Variants in UNC5D observed in about 807,000 individuals in gnomAD.
The protein encoded by UNC5D is netrin receptor UNC5D.
UNC5D carries 39 observed loss-of-function variants against 105.4 expected under a neutral mutation model. The observed-to-expected ratio is 0.37, with a 90% CI of 0.29 to 0.48. UNC5D has a LOEUF of 0.48. UNC5D is among the 20% of genes least tolerant of loss of function. The probability of loss-of-function intolerance (pLI) is 0.98; values close to 1 mark genes in which losing one functional copy is unlikely to be tolerated. For missense variants in UNC5D, 991 were observed against 1,202.4 expected, an observed-to-expected ratio of 0.82 and a Z score of 2.60; for synonymous variants, 452 against 450.4, an observed-to-expected ratio of 1.00 and a Z score of -0.04.
At chr8:35,784,016 C>A (rs528538497) in intron 16 of UNC5D, among the ~76,000 whole-genome samples, 43 of 152,210 alleles carry the variant, frequency 2.8e-4, no homozygotes, top group African/African-American at 1.0e-3. Flanking sequence ...CTCATATACA[C>A]CATTGTAAGT....
chr8:35,307,795 A>G (rs1808535702), intron 1 of UNC5D, among the ~76,000 whole-genome samples: 1 of 152,152 alleles, frequency 6.6e-6, no homozygotes, highest in African/African-American at 2.4e-5. Flanking sequence ...ATGCATATGG[A>G]AATGCCACGC....
intron 1 of UNC5D, among the ~76,000 whole-genome samples, chr8:35,498,505 T>G (rs922712666): frequency 1.3e-5 from 2 of 152,004 alleles, no homozygotes; most frequent in African/African-American, 4.8e-5. Flanking sequence ...ATGGCAAACA[T>G]GATGGGTGAG....
At chr8:35,600,330 G>A (rs1353996661) in intron 4 of UNC5D, among the ~76,000 whole-genome samples, 7 of 152,174 alleles carry the variant, frequency 4.6e-5, no homozygotes, top group African/African-American at 1.7e-4. Flanking sequence ...TAATGGGATG[G>A]CTGGTTGAAA....
chr8:35,477,907 G>A (rs1810228053), intron 1 of UNC5D, among the ~76,000 whole-genome samples: 2 of 152,194 alleles, frequency 1.3e-5, no homozygotes, highest in South Asian at 4.1e-4. Context: ...GGTTAAATAG[G>A]AAGATAATCT....
In UNC5D at chr8:35,416,293, C is replaced by T. The variant is rs78668897; in HGVS notation, c.104-132999C>T. 9.3e-3 allele frequency among the ~76,000 whole-genome samples: 1,412 copies of T among 151,992 alleles called. 22 individuals are homozygous for T. The highest frequency in any genetic ancestry group is 0.032 in the African/African-American group (1,342 of 41,456). On this transcript the variant is annotated intron_variant, in intron 1 of 16. Coordinates refer to ENST00000404895, the MANE Select transcript of UNC5D (RefSeq NM_080872.4). ...TGATTGCTAACTAGAAAAGGAGAAC[C>T]GGATTTCAGGAATACAAAGGAATTG... is the stretch of plus-strand genomic sequence containing the variant.
intron 1 of UNC5D, among the ~76,000 whole-genome samples, chr8:35,488,538 G>A (rs570668029): frequency 2.6e-5 from 4 of 152,304 alleles, no homozygotes; most frequent in Admixed American, 2.6e-4. Flanking sequence ...CTGCTTTCCA[G>A]TGTTGCAAGG....
At chr8:35,400,012 A>C (rs1033687347) in intron 1 of UNC5D, among the ~76,000 whole-genome samples, 1 of 152,164 alleles carries the variant, frequency 6.6e-6, no homozygotes, top group African/African-American at 2.4e-5. Flanking sequence ...TTTGTATAAG[A>C]GTATTAAGGA....
chr8:35,605,060 C>T (rs896188080), intron 4 of UNC5D, among the ~76,000 whole-genome samples: 3 of 152,206 alleles, frequency 2.0e-5, no homozygotes, highest in East Asian at 3.9e-4. Context: ...AGTCATTCTC[C>T]GTCCAGCTTT....
chr8:35,650,316 G>A (rs1823327783), intron 4 of UNC5D, among the ~76,000 whole-genome samples: 1 of 152,044 alleles, frequency 6.6e-6, no homozygotes, highest in African/African-American at 2.4e-5. Flanking sequence ...CCTCTCTGAG[G>A]TCATATACTG....
At chr8:35,406,385 T>C (rs550973159) in intron 1 of UNC5D, among the ~76,000 whole-genome samples, 13 of 152,300 alleles carry the variant, frequency 8.5e-5, no homozygotes, top group African/African-American at 3.1e-4. Flanking sequence ...TTTATGAAAA[T>C]GAACTTTTCT....
intron 1 of UNC5D, among the ~76,000 whole-genome samples, chr8:35,313,435 G>C (rs1245136730): frequency 6.6e-6 from 1 of 152,128 alleles, no homozygotes; most frequent in Non-Finnish European, 1.5e-5. Flanking sequence ...AGTCCCAGGT[G>C]AGAGAAAATG....
At chr8:35,353,057 T>C (rs1247848888) in intron 1 of UNC5D, among the ~76,000 whole-genome samples, 1 of 152,154 alleles carries the variant, frequency 6.6e-6, no homozygotes, top group African/African-American at 2.4e-5. Flanking sequence ...AAGTAAAGTT[T>C]GACAAATTCA....
In UNC5D at chr8:35,362,344, T is replaced by C. The variant is rs1801901765; in HGVS notation, c.103+126457T>C. ...GCAAATGCACTTCCTTACAAGAAAA[T>C]AGGTGTAAAGCACTTAGCCCAGAGC... On this transcript the variant is annotated intron_variant, in intron 1 of 16. Transcript: ENST00000404895. 2.0e-5 allele frequency among the ~76,000 whole-genome samples: 3 copies of C among 152,106 alleles called. No individual in the cohort carries two copies. In the South Asian group the frequency reaches 6.2e-4, roughly 31 times the overall value.
intron 7 of UNC5D, among the ~76,000 whole-genome samples, chr8:35,705,410 C>CA (rs1475408059): frequency 2.6e-5 from 4 of 152,302 alleles, no homozygotes; most frequent in African/African-American, 9.6e-5. Flanking sequence ...TTCGTAAAAA[C>CA]AAAACTAACG....
chr8:35,753,899 T>C (rs1203434719), intron 13 of UNC5D, among the ~76,000 whole-genome samples: 1 of 152,238 alleles, frequency 6.6e-6, no homozygotes, highest in East Asian at 1.9e-4. Context: ...TCCGTCTTAG[T>C]TTCTGGGTTT....
intron 1 of UNC5D, among the ~76,000 whole-genome samples, chr8:35,476,423 T>C (rs556678579): frequency 6.6e-6 from 1 of 152,344 alleles, no homozygotes; most frequent in East Asian, 1.9e-4. Flanking sequence ...GACTCTAATA[T>C]TTGATGAATC....
intron 4 of UNC5D, among the ~76,000 whole-genome samples, chr8:35,627,987 G>A (rs1434869354): frequency 3.3e-5 from 5 of 152,020 alleles, no homozygotes; most frequent in African/African-American, 1.2e-4. Context: ...TTTTTTGATT[G>A]GGGGTGTGGT....
chr8:35,310,946 A>G (rs1808830324), intron 1 of UNC5D, among the ~76,000 whole-genome samples: 1 of 152,124 alleles, frequency 6.6e-6, no homozygotes, highest in African/African-American at 2.4e-5. Flanking sequence ...GCTTTCAGAG[A>G]CACAATTTAG....
chr8:35,467,855 A>C (rs1563447239), intron 1 of UNC5D, among the ~76,000 whole-genome samples: 1 of 152,136 alleles, frequency 6.6e-6, no homozygotes, highest in Non-Finnish European at 1.5e-5. Flanking sequence ...CTAGATGATC[A>C]CTTTTTAGTG....
Sources: allele counts gnomAD v4.1 joint callset (sites outside exome capture counted in the v4.1 genomes callset), GRCh38; gene constraint gnomAD v4.1.1; transcripts MANE v1.5; gene names NCBI Gene and HGNC (gene_info 2026-07-23, HGNC 2026-07-21).